Variants in PRDM6 observed in about 807,000 individuals in gnomAD.
PRDM6 encodes the protein PR/SET domain 6.
Under a neutral mutation model 60.8 loss-of-function variants are expected in PRDM6, and 25 were observed. The observed-to-expected ratio is 0.41, with a 90% confidence interval of 0.30 to 0.57. The LOEUF (loss-of-function observed/expected upper bound fraction) is 0.57. Among genes scored for constraint, PRDM6 ranks in the 20% least tolerant of loss-of-function variants. PRDM6 has a pLI of 0.27. For missense variants in PRDM6, 839 were observed against 821.3 expected, an observed-to-expected ratio of 1.02 and a Z score of -0.26; for synonymous variants, 407 against 357.4, an observed-to-expected ratio of 1.14 and a Z score of -1.57.
chr5:123,122,353 T>C (rs1202588623), intron 3 of PRDM6, among the ~76,000 whole-genome samples: 1 of 152,128 alleles, frequency 6.6e-6, no homozygotes, highest in Non-Finnish European at 1.5e-5. Flanking sequence ...AGTGTTTTAG[T>C]AAAGTAGTCA....
intron 3 of PRDM6, among the ~76,000 whole-genome samples, chr5:123,152,546 C>T (rs1011945267): frequency 1.3e-5 from 2 of 152,222 alleles, no homozygotes; most frequent in African/African-American, 4.8e-5. Flanking sequence ...GCCACCAATA[C>T]ACACAATTCC....
At chr5:123,149,389 G>T (rs1182515931) in intron 3 of PRDM6, among the ~76,000 whole-genome samples, 2 of 152,140 alleles carry the variant, frequency 1.3e-5, no homozygotes, top group Non-Finnish European at 2.9e-5. Context: ...CAGGAATATG[G>T]CACTGTAAGT....
intron 7 of PRDM6, 101 bp from the exon 8 acceptor site, chr5:123,186,986 G>A: frequency 2.4e-6 from 2 of 849,522 alleles, no homozygotes; most frequent in Non-Finnish European, 1.9e-6. Context: ...AAAATCTGAA[G>A]CCACTTTGGA....
In PRDM6 at chr5:123,193,133, G is replaced by A. The variant is rs1480735710; in HGVS notation, c.*5932G>A. ...TTTCCTCCAGATTCTGATTCTAATG[G>A]GCACATTTGTTTGTTGAAATGATAA... On this transcript the variant is annotated 3_prime_UTR_variant, in exon 8 of 8. Coordinates refer to ENST00000407847, the MANE Select transcript of PRDM6 (RefSeq NM_001136239.4). 6.6e-6 allele frequency: 1 copy of A among 152,096 alleles called. No individual in the cohort carries two copies. Among genetic ancestry groups the A allele is most frequent in the Non-Finnish European group, 1.5e-5 (1 of 68,012 alleles). 9.4% of individuals were successfully genotyped at this position (152,096 alleles called of 1,614,324 possible).
intron 6 of PRDM6, among the ~76,000 whole-genome samples, chr5:123,179,350 C>G (rs1357854955): frequency 6.6e-6 from 1 of 152,134 alleles, no homozygotes; most frequent in Non-Finnish European, 1.5e-5. Context: ...ATAAATCATG[C>G]CTTGCTGCCA....
rs1019066849 is a variant in PRDM6 at position 123,194,130 on chromosome 5, G to T, written c.*6929G>T. 1 of 152,186 alleles carries T rather than the reference G, an allele frequency of 6.6e-6. No homozygotes were observed. Among genetic ancestry groups the T allele is most frequent in the South Asian group, 2.1e-4 (1 of 4,830 alleles). The allele number at this position is 152,186 out of a possible 1,614,324, so 9.4% of individuals were successfully genotyped here. A position where few individuals can be genotyped will look rare whatever the true frequency, so the allele number is the denominator to read the frequency against. ...AACTGCAAAGGACCAATGAGATCATGCATGCTGCTGTATTCTTGTGATGGA... is the reference window on the plus strand; with the variant it reads ...AACTGCAAAGGACCAATGAGATCATTCATGCTGCTGTATTCTTGTGATGGA... On this transcript the variant is annotated 3_prime_UTR_variant, in exon 8 of 8. Transcript: ENST00000407847.
intron 3 of PRDM6, among the ~76,000 whole-genome samples, chr5:123,104,069 A>G (rs1322907748): frequency 6.6e-6 from 1 of 152,114 alleles, no homozygotes. Context: ...CAAGGGGGAT[A>G]ACATAATGTG....
chr5:123,128,438 C>G lies in PRDM6; in HGVS notation c.901-27446C>G, dbSNP rs564605291. Among the ~76,000 whole-genome samples, 77 of 152,226 alleles carry G rather than the reference C, an allele frequency of 5.1e-4. No individual in the cohort carries two copies. The South Asian group carries it at 6.0e-3, about 12-fold the overall frequency. ...CATCCTCTCCAGCACCTGTTGTTTC[C>G]TGACTTTTTAATGATCACCATTGTA... On this transcript the variant is annotated intron_variant, in intron 3 of 7. Transcript: ENST00000407847.
At chr5:123,089,741 C>A (rs1763760610) in intron 1 of PRDM6, among the ~76,000 whole-genome samples, 1 of 152,204 alleles carries the variant, frequency 6.6e-6, no homozygotes, top group African/African-American at 2.4e-5. Context: ...GCCCTCCTGT[C>A]GGGCCCCAGC....
intron 3 of PRDM6, among the ~76,000 whole-genome samples, chr5:123,101,147 T>C (rs1415942262): frequency 1.3e-5 from 2 of 152,174 alleles, no homozygotes; most frequent in Non-Finnish European, 2.9e-5. Context: ...ATGGGACTCA[T>C]TAATCCACTC....
chr5:123,125,154 C>CGCAA (rs1401138661), intron 3 of PRDM6, among the ~76,000 whole-genome samples: 2 of 134,098 alleles, frequency 1.5e-5, no homozygotes, highest in African/African-American at 2.8e-5. Context: ...CACCCCCTCC[C>CGCAA]CCCCACCCGC....
chr5:123,140,138 G>A (rs565103227), intron 3 of PRDM6, among the ~76,000 whole-genome samples: 27 of 151,576 alleles, frequency 1.8e-4, no homozygotes, highest in Admixed American at 5.9e-4. Context: ...TAATTACCGC[G>A]GCTTATGAAA....
At chr5:123,109,895 G>A (rs1764269159) in intron 3 of PRDM6, among the ~76,000 whole-genome samples, 1 of 152,148 alleles carries the variant, frequency 6.6e-6, no homozygotes, top group Admixed American at 6.6e-5. Context: ...CCTCAAATCA[G>A]GAGCAATTCA....
In PRDM6 at chr5:123,168,315, C is replaced by T. The variant is rs373679639; in HGVS notation, c.1154-2451C>T. On this transcript the variant is annotated intron_variant, in intron 5 of 7. Coordinates refer to ENST00000407847, the MANE Select transcript of PRDM6 (RefSeq NM_001136239.4). ...ATTTATGTATATAATACACACAAAA[C>T]AATGTACTAGCTGTAAAAACATCCT... Among the ~76,000 whole-genome samples, 294 of 151,994 alleles carry T rather than the reference C, an allele frequency of 1.9e-3. 2 individuals carry two copies. Among genetic ancestry groups the T allele is most frequent in the African/African-American group, 6.8e-3 (283 of 41,460 alleles).
At chr5:123,138,000 A>G (rs1016268740) in intron 3 of PRDM6, among the ~76,000 whole-genome samples, 1 of 140,698 alleles carries the variant, frequency 7.1e-6, no homozygotes. Context: ...ATGCTGAAGT[A>G]TGGGAAATCC....
At chr5:123,089,950 C>G in intron 1 of PRDM6, 50 bp from the exon 2 acceptor site, 1 of 1,379,482 alleles carries the variant, frequency 7.2e-7, no homozygotes, top group Admixed American at 2.1e-5. Context: ...CTCTTCCCGG[C>G]CCCTTTCGCC....
rs1249129206 is a variant in PRDM6, at chr5:123,169,881, G to A, written c.1154-885G>A. Among the ~76,000 whole-genome samples, 4 of 152,264 alleles carry A rather than the reference G, an allele frequency of 2.6e-5. No homozygotes were observed. The East Asian group carries it at 5.8e-4, about 22-fold the overall frequency. On this transcript the variant is annotated intron_variant, in intron 5 of 7. Coordinates refer to ENST00000407847, the MANE Select transcript of PRDM6 (RefSeq NM_001136239.4). ...CTTAGCTAATAAGAGGAAGAGGCAG[G>A]ATTTGAACCTAGGTCTTTCAGATTC...
chr5:123,095,091 T>C (rs977106741), intron 2 of PRDM6, among the ~76,000 whole-genome samples: 96 of 152,298 alleles, frequency 6.3e-4, no homozygotes, highest in African/African-American at 2.3e-3. Context: ...CTGAAATCAA[T>C]TGGCTCCCCT....
At chr5:123,133,657 G>A (rs1477014526) in intron 3 of PRDM6, among the ~76,000 whole-genome samples, 1 of 151,980 alleles carries the variant, frequency 6.6e-6, no homozygotes, top group East Asian at 1.9e-4. Context: ...AAGGTCAAGG[G>A]TGATGTGAAC....
Sources: gnomAD v4.1 joint callset for allele counts (sites outside exome capture counted in the v4.1 genomes callset) on GRCh38, gnomAD v4.1.1 for gene constraint, MANE v1.5 for transcripts, NCBI Gene and HGNC (gene_info 2026-07-23, HGNC 2026-07-21) for gene names.